The following CCDC88A variants were observed in gnomAD, a reference collection of about 807,000 sequenced individuals.
CCDC88A encodes girdin.
Under a neutral mutation model 234.3 loss-of-function variants are expected in CCDC88A, and 54 were observed. That is an observed-to-expected ratio of 0.23 (90% CI 0.19 to 0.29). The LOEUF (loss-of-function observed/expected upper bound fraction) is 0.29. CCDC88A is among the 10% of genes least tolerant of loss of function. The probability of loss-of-function intolerance (pLI) is 1.00; values close to 1 mark genes in which losing one functional copy is unlikely to be tolerated. For synonymous variants in CCDC88A, 753 were observed against 737.8 expected, an observed-to-expected ratio of 1.02 and a Z score of -0.33; for missense variants, 1,832 against 2,123.4, an observed-to-expected ratio of 0.86 and a Z score of 2.70.
intron 3 of CCDC88A, among the ~76,000 whole-genome samples, chr2:55,379,212 C>G (rs1379685609): frequency 6.6e-6 from 1 of 151,882 alleles, no homozygotes; most frequent in Non-Finnish European, 1.5e-5. Context: ...CAACTTAGCT[C>G]TAAAGAAATT....
intron 2 of CCDC88A, among the ~76,000 whole-genome samples, chr2:55,409,045 T>C (rs535018893): frequency 1.3e-5 from 2 of 151,432 alleles, no homozygotes; most frequent in South Asian, 4.1e-4. Flanking sequence ...CAGCTAAGCA[T>C]TACTGGTTAC....
chr2:55,413,134 G>T (rs933022573), intron 2 of CCDC88A, among the ~76,000 whole-genome samples: 37 of 152,300 alleles, frequency 2.4e-4, no homozygotes, highest in African/African-American at 8.9e-4. Flanking sequence ...CTTCAGCCTA[G>T]GAGTTTGAGG....
intron 8 of CCDC88A, among the ~76,000 whole-genome samples, chr2:55,355,114 C>T (rs1335525305): frequency 1.3e-5 from 2 of 151,836 alleles, no homozygotes; most frequent in Middle Eastern, 3.4e-3. Flanking sequence ...GTAACTCAGG[C>T]ATTTCAATGC....
At chr2:55,373,513 G>C (rs1673141586) in intron 4 of CCDC88A, among the ~76,000 whole-genome samples, 1 of 152,080 alleles carries the variant, frequency 6.6e-6, no homozygotes, top group Non-Finnish European at 1.5e-5. Context: ...TTATATGCCA[G>C]AACATTTGGT....
chr2:55,303,285 A>T, intron 25 of CCDC88A, 133 bp from the exon 26 acceptor site: 1 of 656,620 alleles, frequency 1.5e-6, no homozygotes. Context: ...ATGCTATATT[A>T]AGGCTATTAT....
At chr2:55,361,555 T>C (rs996110772) in intron 7 of CCDC88A, among the ~76,000 whole-genome samples, 2 of 152,224 alleles carry the variant, frequency 1.3e-5, no homozygotes, top group Non-Finnish European at 2.9e-5. Flanking sequence ...TAGTCTTTCA[T>C]TGGTCTCAAG....
chr2:55,319,087 C>A, intron 18 of CCDC88A, 83 bp from the exon 19 acceptor site: 1 of 1,095,162 alleles, frequency 9.1e-7, no homozygotes, highest in South Asian at 2.0e-5. Flanking sequence ...GAATTTTATA[C>A]AATGAGTATT....
intron 3 of CCDC88A, among the ~76,000 whole-genome samples, chr2:55,379,136 G>C (rs1054649187): frequency 1.3e-5 from 2 of 152,106 alleles, no homozygotes; most frequent in Admixed American, 1.3e-4. Context: ...ACATAAAAGA[G>C]AGTAGATGCT....
intron 3 of CCDC88A, among the ~76,000 whole-genome samples, chr2:55,384,634 TA>T (rs1675272810): frequency 1.8e-5 from 2 of 110,044 alleles, no homozygotes; most frequent in Admixed American, 1.1e-4. Flanking sequence ...TATATATGTA[TA>T]TATGTGTATA....
At chr2:55,411,852 G>A (rs528169927) in intron 2 of CCDC88A, among the ~76,000 whole-genome samples, 281 of 149,054 alleles carry the variant, frequency 1.9e-3, no homozygotes, top group Non-Finnish European at 2.8e-3. Flanking sequence ...TGAAAGCACT[G>A]TATATTCTAA....
intron 15 of CCDC88A, among the ~76,000 whole-genome samples, chr2:55,333,161 A>G (rs1425812978): frequency 6.6e-6 from 1 of 152,330 alleles, no homozygotes; most frequent in Admixed American, 6.5e-5. Flanking sequence ...GTTCATGTTT[A>G]TAAGTCTACA....
chr2:55,297,826 T>G (rs1680376865), intron 29 of CCDC88A, among the ~76,000 whole-genome samples: 1 of 152,176 alleles, frequency 6.6e-6, no homozygotes, highest in African/African-American at 2.4e-5. Flanking sequence ...ACTTGAAGGC[T>G]TCTCTGTTCA....
intron 2 of CCDC88A, among the ~76,000 whole-genome samples, chr2:55,411,371 TAGG>T (rs916550990): frequency 1.8e-4 from 28 of 152,312 alleles, no homozygotes; most frequent in Middle Eastern, 3.4e-3. Context: ...TGTTCTTCTC[TAGG>T]TTCTCATCAT....
chr2:55,346,138 G>GAA, intron 10 of CCDC88A, 37 bp downstream of exon 10: 2 of 1,461,080 alleles, frequency 1.4e-6, no homozygotes, highest in Non-Finnish European at 1.9e-6. Context: ...TTCTAACACA[G>GAA]AAAAAAAAAT....
intron 2 of CCDC88A, among the ~76,000 whole-genome samples, chr2:55,416,443 A>AATATATATATATATATATATATAT (rs60840841): frequency 6.3e-5 from 1 of 15,836 alleles, no homozygotes; most frequent in Admixed American, 1.2e-3. Flanking sequence ...TAAATAAATA[A>AATATATATATATATATATATATAT]ATATATATAT....
At chr2:55,321,429 T>C (rs905977746) in intron 18 of CCDC88A, among the ~76,000 whole-genome samples, 1 of 151,866 alleles carries the variant, frequency 6.6e-6, no homozygotes, top group African/African-American at 2.4e-5. Flanking sequence ...CAGGCGCCTG[T>C]AGTCCCAGCT....
chr2:55,399,645 C>A (rs370623584), intron 2 of CCDC88A: 2 of 151,830 alleles, frequency 1.3e-5, no homozygotes, highest in African/African-American at 2.4e-5. Flanking sequence ...TTTTTAAGCA[C>A]GTAAAACATT....
At chr2:55,402,736 G>T (rs562145022) in intron 2 of CCDC88A, among the ~76,000 whole-genome samples, 2 of 150,654 alleles carry the variant, frequency 1.3e-5, no homozygotes, top group African/African-American at 4.9e-5. Flanking sequence ...CCGGCCAGGC[G>T]TGGTGGCTCA....
chr2:55,321,171 C>G (rs970065378), intron 18 of CCDC88A: 1 of 149,554 alleles, frequency 6.7e-6, no homozygotes, highest in Non-Finnish European at 1.5e-5. Flanking sequence ...TAGAAAAAAT[C>G]AATTAAATAC....
Sources: gnomAD v4.1 joint callset for allele counts (sites outside exome capture counted in the v4.1 genomes callset) on GRCh38, gnomAD v4.1.1 for gene constraint, MANE v1.5 for transcripts, NCBI Gene and HGNC (gene_info 2026-07-23, HGNC 2026-07-21) for gene names.